BACE1: variants seen among roughly 807,000 people sequenced by gnomAD.
BACE1 encodes the protein beta-secretase 1.
In BACE1, 21 loss-of-function variants were observed where a neutral mutation model predicts 54.0. The ratio of observed to expected loss-of-function variants is 0.39; its 90% CI spans 0.28 to 0.56. The LOEUF (loss-of-function observed/expected upper bound fraction) is 0.56, where lower values mean the gene tolerates loss of function less well. Ranked by LOEUF, BACE1 falls within the 20% of genes least tolerant of loss-of-function variation. The pLI is 0.63. For missense variants in BACE1, 511 were observed against 661.2 expected (o/e 0.77, Z 2.49); for synonymous variants, 232 against 260.9 (o/e 0.89, Z 1.07).
chr11:117,291,556 G>A (rs11604395), intron 6 of BACE1, 156 bp downstream of exon 6: 10,645 of 543,198 alleles, frequency 0.02, 148 homozygotes, highest in Non-Finnish European at 0.028. Context: ...GATTACAGGC[G>A]TGAGCCACCA....
chr11:117,310,464 G>C (rs138837337), intron 1 of BACE1, among the ~76,000 whole-genome samples: 1 of 151,920 alleles, frequency 6.6e-6, no homozygotes, highest in Admixed American at 6.6e-5. Context: ...ACAGAGTCTC[G>C]CTCTGGAGTG....
intron 5 of BACE1, 60 bp downstream of exon 5, chr11:117,292,994 T>C: frequency 6.3e-7 from 1 of 1,580,434 alleles, no homozygotes. Context: ...AACCAGAGTC[T>C]TCCTTCACAT....
chr11:117,315,476 A>C lies in BACE1; in HGVS notation c.261+59T>G. 6.5e-7 allele frequency: 1 copy of C among 1,544,700 alleles called. No homozygotes were observed. Among genetic ancestry groups the C allele is most frequent in the Admixed American group, 2.2e-5 (1 of 45,648 alleles). On this transcript the variant is annotated intron_variant, in intron 1 of 8. Transcript: ENST00000313005. The surrounding 1 kb of genome is among the most constrained non-coding windows in gnomAD (Gnocchi z 5.5). ...GCAGGGGCTAGCTTGAGGCATCCCC[A>C]TCCTGTCTCCCCTCTGCTCATGCAG...
At position 117,291,699 on chromosome 11, in the gene BACE1, T is replaced by C; in HGVS notation, c.942+13A>G. ...TGTACCATCTCTTTTACCCCCATCCTTAGTCCACTCACGGAGGAGGCTGCC... is the reference window on the plus strand; with the variant it reads ...TGTACCATCTCTTTTACCCCCATCCCTAGTCCACTCACGGAGGAGGCTGCC... On this transcript the variant is annotated intron_variant, in intron 6 of 8. Coordinates refer to ENST00000313005, the MANE Select transcript of BACE1 (RefSeq NM_012104.6). 6.3e-7 allele frequency: 1 copy of C among 1,591,312 alleles called. No individual in the cohort carries two copies. The highest frequency in any genetic ancestry group is 1.1e-5 in the South Asian group (1 of 90,604).
intron 1 of BACE1, among the ~76,000 whole-genome samples, chr11:117,300,361 C>A (rs575699965): frequency 1.7e-4 from 26 of 152,204 alleles, no homozygotes; most frequent in African/African-American, 6.3e-4. Flanking sequence ...TGCTCCCGCC[C>A]GAGAGAAGTA....
chr11:117,289,355 T>G lies in BACE1; in HGVS notation c.*211A>C, dbSNP rs748813568. 1.0e-4 allele frequency: 73 copies of G among 726,362 alleles called. No individual in the cohort carries two copies. Among genetic ancestry groups the G allele is most frequent in the Non-Finnish European group, 1.3e-4 (62 of 470,446 alleles). 45.0% of individuals were successfully genotyped at this position (726,362 alleles called of 1,614,324 possible). On this transcript the variant is annotated 3_prime_UTR_variant, in exon 9 of 9. Transcript: ENST00000313005. ...AGAGTATTCCCGCCAGCAGAGTGCT[T>G]CTTTCTTCTCTTTTCTGTTTCCTAC...
In BACE1 at chr11:117,286,341, G is replaced by C. The variant is rs1267710079; in HGVS notation, c.*3225C>G. 1 of 152,138 alleles carries C rather than the reference G, an allele frequency of 6.6e-6. No homozygotes were observed. Among genetic ancestry groups the C allele is most frequent in the Non-Finnish European group, 1.5e-5 (1 of 68,020 alleles). 9.4% of individuals were successfully genotyped at this position (152,138 alleles called of 1,614,324 possible). On this transcript the variant is annotated 3_prime_UTR_variant, in exon 9 of 9. Coordinates refer to ENST00000313005, the MANE Select transcript of BACE1 (RefSeq NM_012104.6). Reference sequence around the variant, plus strand: ...CTTCTTAATTTTAGGTTTTATACCTGGGAAAGCTGTGACTCTATTAGAGCT... The same window carrying C: ...CTTCTTAATTTTAGGTTTTATACCTCGGAAAGCTGTGACTCTATTAGAGCT...
At chr11:117,302,586 A>T (rs751461877) in intron 1 of BACE1, among the ~76,000 whole-genome samples, 5 of 151,478 alleles carry the variant, frequency 3.3e-5, no homozygotes, top group Non-Finnish European at 5.9e-5. Flanking sequence ...ATATTTTCTT[A>T]CTTAAATGCT....
At position 117,290,616 on chromosome 11, in the gene BACE1, T is replaced by C; in HGVS notation, c.1136A>G (p.Asp379Gly). The C allele has an allele frequency of 6.2e-7, 1 of 1,614,198 alleles. No individual in the cohort carries two copies. Among genetic ancestry groups the C allele is most frequent in the Non-Finnish European group, 8.5e-7 (1 of 1,180,044 alleles). ...CTGTGAGATGGCAAACTTGTAACAG[T>C]CGTCTTGGGACGTGGCCACATCTTC... ...PVEDVATSQD[D>G]CYKFAISQSS... The change falls in exon 8 of 9, where the codon GAC (aspartate) becomes GGC (glycine). Residue 379 changes from aspartate to glycine, a missense_variant. Asp to Gly is a moderately conservative substitution (Grantham distance 94). This residue lies in a region of BACE1 where 407 missense variants were observed against 565.7 expected (regional missense o/e 0.72). Coordinates refer to ENST00000313005, the MANE Select transcript of BACE1 (RefSeq NM_012104.6).
In BACE1 at chr11:117,315,244, C is replaced by G. The variant is rs1330478069; in HGVS notation, c.261+291G>C. Reference sequence around the variant, plus strand: ...AGTGCCCCTGTGGCGGACCCTTCCTCCAGGTCAGGGTCCCCAGCTGATGTG... The same window carrying G: ...AGTGCCCCTGTGGCGGACCCTTCCTGCAGGTCAGGGTCCCCAGCTGATGTG... On this transcript the variant is annotated intron_variant, in intron 1 of 8. Coordinates refer to ENST00000313005, the MANE Select transcript of BACE1 (RefSeq NM_012104.6). The surrounding 1 kb of genome is among the most constrained non-coding windows in gnomAD (Gnocchi z 5.5). Among the ~76,000 whole-genome samples the G allele has an allele frequency of 6.6e-6, 1 of 152,172 alleles. No homozygotes were observed. Among genetic ancestry groups the G allele is most frequent in the African/African-American group, 2.4e-5 (1 of 41,422 alleles).
intron 1 of BACE1, among the ~76,000 whole-genome samples, chr11:117,300,233 A>G (rs2034693391): frequency 6.6e-6 from 1 of 151,876 alleles, no homozygotes; most frequent in East Asian, 1.9e-4. Context: ...CTACGATTTC[A>G]GGTCCCCACT....
Position 117,289,206 on chromosome 11 carries a change from C to T in BACE1, c.*360G>A. 4.0e-6 allele frequency: 1 copy of T among 249,322 alleles called. No homozygotes were observed. 15.4% of individuals were successfully genotyped at this position (249,322 alleles called of 1,614,324 possible). ...CGCCAAGGTAACCTGCGTGTGATGCCAGTACTTCTGAAACTAAGAAAAGAA... is the reference window on the plus strand; with the variant it reads ...CGCCAAGGTAACCTGCGTGTGATGCTAGTACTTCTGAAACTAAGAAAAGAA... On this transcript the variant is annotated 3_prime_UTR_variant, in exon 9 of 9. Coordinates refer to ENST00000313005, the MANE Select transcript of BACE1 (RefSeq NM_012104.6).
chr11:117,309,199 T>C (rs2134490622), intron 1 of BACE1, among the ~76,000 whole-genome samples: 1 of 152,338 alleles, frequency 6.6e-6, no homozygotes, highest in Non-Finnish European at 1.5e-5. Flanking sequence ...CTTGTTTGCA[T>C]GTCTAGAGTC....
intron 1 of BACE1, among the ~76,000 whole-genome samples, chr11:117,314,072 T>C (rs1210098286): frequency 6.6e-6 from 1 of 152,156 alleles, no homozygotes; most frequent in Non-Finnish European, 1.5e-5. Flanking sequence ...ACCTCAAAGC[T>C]TGTGTGGGTT....
intron 1 of BACE1, among the ~76,000 whole-genome samples, chr11:117,308,051 C>T (rs28989475): frequency 0.016 from 462 of 28,854 alleles, 2 homozygotes; most frequent in African/African-American, 0.054. Flanking sequence ...AGATTTGGGG[C>T]GGGGGGATGG....
Position 117,293,662 on chromosome 11 carries a change from CA to C in BACE1, c.705+208del, listed in dbSNP as rs2134453878. 2.2e-6 allele frequency: 1 copy of C among 450,752 alleles called. No homozygotes were observed. Among genetic ancestry groups the C allele is most frequent in the African/African-American group, 2.0e-5 (1 of 49,440 alleles). The allele number at this position is 450,752 out of a possible 1,614,324, so 27.9% of individuals were successfully genotyped here. A position where few individuals can be genotyped will look rare whatever the true frequency, so the allele number is the denominator to read the frequency against. The stretch of plus-strand genomic sequence containing the variant: ...AAATTTTCCTAATTGCCTTCCTTTC[CA>C]AGTTTACCATAGGTGCCTTGATTCC... On this transcript the variant is annotated intron_variant, in intron 4 of 8. Transcript: ENST00000313005. The surrounding 1 kb of genome is among the most constrained non-coding windows in gnomAD (Gnocchi z 4.1).
Position 117,310,989 on chromosome 11 carries a change from T to G in BACE1, c.261+4546A>C, listed in dbSNP as rs576634003. 2.0e-4 allele frequency among the ~76,000 whole-genome samples: 31 copies of G among 152,218 alleles called. No homozygotes were observed. The South Asian group carries it at 6.2e-3, about 31-fold the overall frequency. On this transcript the variant is annotated intron_variant, in intron 1 of 8. Transcript: ENST00000313005. Reference sequence around the variant, plus strand: ...GTGATAAAGACCTTTTTTTTTTTTTTTCTTTTTTGGAGACAGGGTCTCTGT... The same window carrying G: ...GTGATAAAGACCTTTTTTTTTTTTTGTCTTTTTTGGAGACAGGGTCTCTGT...
In BACE1 at chr11:117,305,634, G is replaced by A. The variant is rs17120581; in HGVS notation, c.262-8673C>T. ...GGGATGCCCCATTTCTCCGCAGCCT[G>A]TAACCCGGCTCAACTAATATTTGCC... On this transcript the variant is annotated intron_variant, in intron 1 of 8. Coordinates refer to ENST00000313005, the MANE Select transcript of BACE1 (RefSeq NM_012104.6). 1.1e-4 allele frequency among the ~76,000 whole-genome samples: 16 copies of A among 151,886 alleles called. No homozygotes were observed. The South Asian group carries it at 3.1e-3, about 30-fold the overall frequency.
intron 2 of BACE1, among the ~76,000 whole-genome samples, chr11:117,296,031 C>T (rs1403454316): frequency 6.6e-6 from 1 of 152,132 alleles, no homozygotes; most frequent in Non-Finnish European, 1.5e-5. Context: ...CTGACTGCTT[C>T]TTTTAGATTG....
Sources: gnomAD v4.1 joint callset for allele counts (sites outside exome capture counted in the v4.1 genomes callset) on GRCh38, gnomAD v4.1.1 for gene constraint, gnomAD v4.1.1 regional missense constraint, Gnocchi (gnomAD v3.1) non-coding constraint, MANE v1.5 for transcripts, NCBI Gene and HGNC (gene_info 2026-07-23, HGNC 2026-07-21) for gene names.